The following FRMD4A variants were observed in gnomAD, a reference collection of about 807,000 sequenced individuals.
The protein encoded by FRMD4A is FERM domain-containing protein 4A.
A neutral mutation model predicts 129.1 loss-of-function variants in FRMD4A; 29 were observed. The observed-to-expected ratio is 0.22, with a 90% CI of 0.17 to 0.31. The LOEUF is 0.31. Ranked by LOEUF, FRMD4A falls within the 10% of genes least tolerant of loss-of-function variation. The pLI, the probability that FRMD4A is intolerant of heterozygous loss-of-function variation, is 1.00. For missense variants in FRMD4A, 1,272 were observed against 1,375.8 expected (o/e 0.92, Z 1.19); for synonymous variants, 634 against 571.6 (o/e 1.11, Z -1.56).
At chr10:13,715,966 A>G (rs578082252) in intron 12 of FRMD4A, among the ~76,000 whole-genome samples, 11 of 152,010 alleles carry the variant, frequency 7.2e-5, no homozygotes, top group South Asian at 2.1e-4. Flanking sequence ...TCAATTACAT[A>G]CCAATATTAT....
intron 2 of FRMD4A, among the ~76,000 whole-genome samples, chr10:13,876,606 C>T (rs910703568): frequency 6.6e-6 from 1 of 151,970 alleles, no homozygotes; most frequent in Non-Finnish European, 1.5e-5. Context: ...TTTAATCTGT[C>T]GTTTTAAATG....
At chr10:13,967,191 G>A (rs1195858803) in intron 2 of FRMD4A, among the ~76,000 whole-genome samples, 1 of 152,214 alleles carries the variant, frequency 6.6e-6, no homozygotes, top group Non-Finnish European at 1.5e-5. Flanking sequence ...AAAAAAATTA[G>A]CCAGGCTTGG....
chr10:13,679,472 T>C (rs866369591), intron 15 of FRMD4A, among the ~76,000 whole-genome samples: 6 of 21,390 alleles, frequency 2.8e-4, no homozygotes, highest in East Asian at 5.7e-3. Context: ...TATATATATA[T>C]ATACACACAC....
rs1268702510 is a variant in FRMD4A at position 13,974,569 on chromosome 10, C to T, written c.46-115657G>A. Among the ~76,000 whole-genome samples the T allele has an allele frequency of 5.3e-5, 8 of 152,228 alleles. 1 individual carries two copies. The South Asian group carries it at 1.7e-3, about 32-fold the overall frequency. ...GGAGGCGGAGTCTCGCTCTGTCGCC[C>T]AGGGTGGAATGCAATGATGCAATCT... On this transcript the variant is annotated intron_variant, in intron 2 of 24. Transcript: ENST00000357447.
At chr10:13,753,824 C>T (rs761688521) in intron 8 of FRMD4A, among the ~76,000 whole-genome samples, 20 of 152,238 alleles carry the variant, frequency 1.3e-4, no homozygotes, top group Admixed American at 3.3e-4. Flanking sequence ...GGATTATAGG[C>T]GTGAGCCACA....
intron 2 of FRMD4A, among the ~76,000 whole-genome samples, chr10:14,189,277 A>C (rs1283229867): frequency 6.6e-6 from 1 of 152,180 alleles, no homozygotes; most frequent in Admixed American, 6.5e-5. Context: ...AAGGGGTAAG[A>C]GGAGGAAGAG....
chr10:14,322,036 C>T (rs1044843968), intron 2 of FRMD4A, among the ~76,000 whole-genome samples: 2 of 152,206 alleles, frequency 1.3e-5, no homozygotes, highest in Admixed American at 6.5e-5. Context: ...TTTCCTGAGG[C>T]TTCTCCAGCC....
intron 2 of FRMD4A, among the ~76,000 whole-genome samples, chr10:14,157,239 C>T (rs1840646488): frequency 6.6e-6 from 1 of 152,222 alleles, no homozygotes; most frequent in South Asian, 2.1e-4. Flanking sequence ...ACACAGTCTT[C>T]ATATCTGCTC....
At chr10:13,687,299 A>G (rs1164893695) in intron 15 of FRMD4A, among the ~76,000 whole-genome samples, 5 of 152,278 alleles carry the variant, frequency 3.3e-5, no homozygotes, top group African/African-American at 1.2e-4. Flanking sequence ...CCATCTCAAA[A>G]AACAAAATGA....
chr10:14,263,021 G>C (rs1844857530), intron 2 of FRMD4A, among the ~76,000 whole-genome samples: 1 of 152,216 alleles, frequency 6.6e-6, no homozygotes, highest in Admixed American at 6.5e-5. Context: ...CACCAGGTCA[G>C]TGTTCCCCTG....
rs147781803 is a variant in FRMD4A, at chr10:13,947,608, G to GCACA, written c.46-88700_46-88697dup. Among the ~76,000 whole-genome samples, 19 of 148,664 alleles carry GCACA rather than the reference G, an allele frequency of 1.3e-4. No homozygotes were observed. In the East Asian group the frequency reaches 1.8e-3, roughly 14 times the overall value. On this transcript the variant is annotated intron_variant, in intron 2 of 24. Transcript: ENST00000357447. ...AACATGCATACACACACACACACGT[G>GCACA]CACACACACACACACACACACATAT...
intron 2 of FRMD4A, among the ~76,000 whole-genome samples, chr10:13,982,620 C>G (rs2131407030): frequency 6.6e-6 from 1 of 152,290 alleles, no homozygotes; most frequent in African/African-American, 2.4e-5. Flanking sequence ...CAAGAAGAAT[C>G]TAGACAGACA....
At chr10:14,297,112 G>C (rs1456281775) in intron 2 of FRMD4A, among the ~76,000 whole-genome samples, 1 of 151,022 alleles carries the variant, frequency 6.6e-6, no homozygotes, top group East Asian at 1.9e-4. Context: ...CTCTCCACAG[G>C]TTCTTTTCAG....
At chr10:13,740,104 A>C (rs2090897803) in intron 11 of FRMD4A, 90 bp downstream of exon 11, 2 of 828,612 alleles carry the variant, frequency 2.4e-6, no homozygotes. Context: ...ATCTCAAAAG[A>C]AAAAGAAAAA....
chr10:14,132,165 G>C (rs149227329), intron 2 of FRMD4A, among the ~76,000 whole-genome samples: 1 of 152,100 alleles, frequency 6.6e-6, no homozygotes, highest in Non-Finnish European at 1.5e-5. Context: ...ACTTGCTGCT[G>C]TAGTCCCAGC....
chr10:14,194,415 C>T (rs1247206431), intron 2 of FRMD4A, among the ~76,000 whole-genome samples: 2 of 152,192 alleles, frequency 1.3e-5, no homozygotes, highest in Non-Finnish European at 2.9e-5. Flanking sequence ...TCGAGACCAT[C>T]CTGGCTAACA....
chr10:13,750,205 T>TAC (rs10696279), intron 8 of FRMD4A, among the ~76,000 whole-genome samples: 102,776 of 151,026 alleles, frequency 0.68, 35,944 homozygotes, highest in East Asian at 0.96. Flanking sequence ...ATCCTGACCA[T>TAC]GACCAACTAG....
intron 3 of FRMD4A, among the ~76,000 whole-genome samples, chr10:13,842,383 A>G (rs550346437): frequency 2.0e-5 from 3 of 152,208 alleles, no homozygotes; most frequent in African/African-American, 7.2e-5. Flanking sequence ...AGCCCAGTCA[A>G]TAACACTGAG....
At chr10:13,716,041 T>C (rs1393298114) in intron 12 of FRMD4A, among the ~76,000 whole-genome samples, 1 of 152,104 alleles carries the variant, frequency 6.6e-6, no homozygotes, top group East Asian at 1.9e-4. Flanking sequence ...TACAGGTTTG[T>C]GTAATGTTTT....
Sources: gnomAD v4.1 joint callset for allele counts (sites outside exome capture counted in the v4.1 genomes callset) on GRCh38, gnomAD v4.1.1 for gene constraint, MANE v1.5 for transcripts, NCBI Gene and HGNC (gene_info 2026-07-23, HGNC 2026-07-21) for gene names.